Variants in PPP1R12B observed in about 807,000 individuals in gnomAD.
PPP1R12B encodes protein phosphatase 1 regulatory subunit 12B.
PPP1R12B carries 76 observed loss-of-function variants against 126.1 expected under a neutral mutation model. That is an observed-to-expected ratio of 0.60 (90% CI 0.50 to 0.73). The LOEUF is 0.73. Among genes scored for constraint, PPP1R12B ranks in the 30% least tolerant of loss-of-function variants. The pLI, the probability that PPP1R12B is intolerant of heterozygous loss-of-function variation, is 0.00. For missense variants in PPP1R12B, 1,052 were observed against 1,205.1 expected, an observed-to-expected ratio of 0.87 and a Z score of 1.88; for synonymous variants, 356 against 434.7, an observed-to-expected ratio of 0.82 and a Z score of 2.25.
chr1:202,351,487 C>A (rs952411218), intron 1 of PPP1R12B, among the ~76,000 whole-genome samples: 1 of 152,178 alleles, frequency 6.6e-6, no homozygotes, highest in Admixed American at 6.5e-5. Flanking sequence ...GATCTGCCTG[C>A]CTCGGCCTCC....
rs1254710149 is a variant in PPP1R12B, at chr1:202,581,984, G to A, written c.*1424G>A. The A allele has an allele frequency of 6.6e-6, 1 of 152,154 alleles. No individual in the cohort carries two copies. Among genetic ancestry groups the A allele is most frequent in the African/African-American group, 2.4e-5 (1 of 41,426 alleles). 9.4% of individuals were successfully genotyped at this position (152,154 alleles called of 1,614,324 possible). A position where few individuals can be genotyped will look rare whatever the true frequency, so the allele number is the denominator to read the frequency against. On this transcript the variant is annotated 3_prime_UTR_variant, in exon 24 of 24. Coordinates refer to ENST00000608999, the MANE Select transcript of PPP1R12B (RefSeq NM_002481.4). ...CCCTGCTACCACAGCTTTCACCCAT[G>A]GGCATGGTCAGGTAGCCTCTGGTGG...
chr1:202,579,417 T>C (rs1689389421), intron 23 of PPP1R12B, among the ~76,000 whole-genome samples: 1 of 152,240 alleles, frequency 6.6e-6, no homozygotes, highest in African/African-American at 2.4e-5. Context: ...GATACAGATG[T>C]AGCTTTCTGT....
Position 202,582,039 on chromosome 1 carries a change from A to G in PPP1R12B, c.*1479A>G, listed in dbSNP as rs1689577082. The G allele has an allele frequency of 6.6e-6, 1 of 152,246 alleles. No homozygotes were observed. Among genetic ancestry groups the G allele is most frequent in the East Asian group, 1.9e-4 (1 of 5,178 alleles). 9.4% of individuals were successfully genotyped at this position (152,246 alleles called of 1,614,324 possible). ...GCATTTATTACTCAAAAGTTGGGCA[A>G]CTCTAATAACGAGAGAGTTTTTCCT... is the stretch of plus-strand genomic sequence containing the variant. On this transcript the variant is annotated 3_prime_UTR_variant, in exon 24 of 24. Coordinates refer to ENST00000608999, the MANE Select transcript of PPP1R12B (RefSeq NM_002481.4).
In PPP1R12B at chr1:202,583,036, C is replaced by T. The variant is rs776462258; in HGVS notation, c.*2476C>T. 8 of 152,096 alleles carry T rather than the reference C, an allele frequency of 5.3e-5. No individual in the cohort carries two copies. Among genetic ancestry groups the T allele is most frequent in the Non-Finnish European group, 8.8e-5 (6 of 68,018 alleles). The allele number at this position is 152,096 out of a possible 1,614,324, so 9.4% of individuals were successfully genotyped here. ...AGAAGCTGCTACTATCTTGAGACTTCGTATTATCATGGGAGTACTGTAAGT... is the reference window on the plus strand; with the variant it reads ...AGAAGCTGCTACTATCTTGAGACTTTGTATTATCATGGGAGTACTGTAAGT... On this transcript the variant is annotated 3_prime_UTR_variant, in exon 24 of 24. Transcript: ENST00000608999.
chr1:202,354,257 G>C (rs773295620), intron 1 of PPP1R12B, among the ~76,000 whole-genome samples: 1 of 152,012 alleles, frequency 6.6e-6, no homozygotes, highest in African/African-American at 2.4e-5. Context: ...GTGCTCCTTG[G>C]TAGACAGCTC....
chr1:202,510,226 T>A (rs1440746527), intron 18 of PPP1R12B, among the ~76,000 whole-genome samples: 3 of 152,088 alleles, frequency 2.0e-5, no homozygotes, highest in Non-Finnish European at 4.4e-5. Flanking sequence ...GATACTGATA[T>A]CCAGCAAGCT....
At chr1:202,437,604 G>A (rs1237724710) in intron 9 of PPP1R12B, among the ~76,000 whole-genome samples, 2 of 152,156 alleles carry the variant, frequency 1.3e-5, no homozygotes, top group Admixed American at 6.5e-5. Context: ...TGAAGAATCC[G>A]AGGCTATTTT....
Position 202,439,289 on chromosome 1 carries a change from T to C in PPP1R12B, c.1458+1265T>C, listed in dbSNP as rs879049620. 137 of 1,417,462 alleles carry C rather than the reference T, an allele frequency of 9.7e-5. No individual in the cohort carries two copies. In the African/African-American group the frequency reaches 1.4e-3, roughly 15 times the overall value. 87.8% of individuals were successfully genotyped at this position (1,417,462 alleles called of 1,614,324 possible). A position where few individuals can be genotyped will look rare whatever the true frequency, so the allele number is the denominator to read the frequency against. On this transcript the variant is annotated intron_variant, in intron 10 of 23. Transcript: ENST00000608999. ...GAGGCAAGATACTGGCCCAGCAGGG[T>C]GAGTACAGTGAGGCCATCTCCATCC...
Position 202,401,361 on chromosome 1 carries a change from A to ATTTTTTTTTT in PPP1R12B, c.292-15406_292-15397dup, listed in dbSNP as rs34810265. Among the ~76,000 whole-genome samples the ATTTTTTTTTT allele has an allele frequency of 6.9e-4, 49 of 71,442 alleles. 2 individuals carry two copies. The highest frequency in any genetic ancestry group is 7.9e-4 in the Non-Finnish European group (32 of 40,550). The allele number at this position is 71,442 out of a possible 152,430, so 46.9% of individuals were successfully genotyped here. ...TCCACCACCATGGCTGGCTAATTTA[A>ATTTTTTTTTT]TTTTTTTTTTTTTTTTTTTTTTTTT... On this transcript the variant is annotated intron_variant, in intron 1 of 23. Transcript: ENST00000608999.
intron 10 of PPP1R12B, chr1:202,438,533 C>A: frequency 2.4e-6 from 1 of 413,942 alleles, no homozygotes; most frequent in East Asian, 6.1e-5. Context: ...GAGCTGCCCC[C>A]GCTGGGCATG....
intron 3 of PPP1R12B, among the ~76,000 whole-genome samples, chr1:202,425,091 G>A (rs1669332856): frequency 6.6e-6 from 1 of 152,192 alleles, no homozygotes. Flanking sequence ...AGTTCTAGCG[G>A]CAAGTTCTGT....
rs1689653435 is a variant in PPP1R12B, at chr1:202,583,358, G to A, written c.*2798G>A. 1 of 152,134 alleles carries A rather than the reference G, an allele frequency of 6.6e-6. No homozygotes were observed. The highest frequency in any genetic ancestry group is 2.4e-5 in the African/African-American group (1 of 41,432). The allele number at this position is 152,134 out of a possible 1,614,324, so 9.4% of individuals were successfully genotyped here. On this transcript the variant is annotated 3_prime_UTR_variant, in exon 24 of 24. Coordinates refer to ENST00000608999, the MANE Select transcript of PPP1R12B (RefSeq NM_002481.4). ...ACTCTTAGATTGGTGTTGCATCCCT[G>A]CCACTTCACATGACCCTTCCATGTT... is the stretch of plus-strand genomic sequence containing the variant.
intron 23 of PPP1R12B, 57 bp downstream of exon 23, chr1:202,569,254 T>G (rs1173605419): frequency 3.9e-6 from 6 of 1,543,532 alleles, no homozygotes; most frequent in Non-Finnish European, 5.4e-6. Context: ...CTGCCAAGAC[T>G]GGATATTTGA....
chr1:202,386,742 GT>G (rs1043215977), intron 1 of PPP1R12B, among the ~76,000 whole-genome samples: 23 of 147,918 alleles, frequency 1.6e-4, no homozygotes, highest in East Asian at 9.9e-4. Context: ...AGGTTTTGTT[GT>G]TTTTTTTTTC....
chr1:202,500,775 C>A (rs1297981994), intron 18 of PPP1R12B, among the ~76,000 whole-genome samples: 2 of 152,126 alleles, frequency 1.3e-5, no homozygotes, highest in Non-Finnish European at 2.9e-5. Context: ...TGCTGATTAC[C>A]TTGATTTGAT....
intron 18 of PPP1R12B, among the ~76,000 whole-genome samples, chr1:202,557,827 T>C (rs1405218330): frequency 6.6e-6 from 1 of 152,208 alleles, no homozygotes; most frequent in Non-Finnish European, 1.5e-5. Flanking sequence ...GTGACTCTAT[T>C]CAGTCCTCTT....
chr1:202,537,210 C>T (rs1161861294), intron 18 of PPP1R12B, among the ~76,000 whole-genome samples: 3 of 151,924 alleles, frequency 2.0e-5, no homozygotes, highest in East Asian at 1.9e-4. Flanking sequence ...GAAAATTAGC[C>T]CGGCATGGTG....
intron 1 of PPP1R12B, among the ~76,000 whole-genome samples, chr1:202,383,795 A>T (rs1428541349): frequency 6.6e-6 from 1 of 152,188 alleles, no homozygotes; most frequent in Non-Finnish European, 1.5e-5. Context: ...CACAGCACCT[A>T]TTCATTTATC....
intron 8 of PPP1R12B, among the ~76,000 whole-genome samples, chr1:202,433,498 C>A (rs533510813): frequency 6.2e-4 from 94 of 152,338 alleles, no homozygotes; most frequent in African/African-American, 2.1e-3. Flanking sequence ...CCCCAAGCTC[C>A]ATAGTCTGGC....
Sources: allele counts gnomAD v4.1 joint callset (sites outside exome capture counted in the v4.1 genomes callset), GRCh38; gene constraint gnomAD v4.1.1; transcripts MANE v1.5; gene names NCBI Gene and HGNC (gene_info 2026-07-23, HGNC 2026-07-21).